COL26A1: variants seen among roughly 807,000 people sequenced by gnomAD.
COL26A1 encodes collagen type XXVI alpha 1 chain, also known as collagen alpha-1(XXVI) chain.
COL26A1 carries 41 observed loss-of-function variants against 59.3 expected under a neutral mutation model. The ratio of observed to expected loss-of-function variants is 0.69; its 90% confidence interval spans 0.54 to 0.90. The LOEUF (loss-of-function observed/expected upper bound fraction) is 0.90, where lower values mean the gene tolerates loss of function less well. COL26A1 is among the 40% of genes least tolerant of loss of function. The probability of loss-of-function intolerance (pLI) is 0.00; values close to 1 mark genes in which losing one functional copy is unlikely to be tolerated. For synonymous variants in COL26A1, 266 were observed against 256.0 expected, an observed-to-expected ratio of 1.04 and a Z score of -0.37; for missense variants, 612 against 602.3, an observed-to-expected ratio of 1.02 and a Z score of -0.17.
rs553338772 is a variant in COL26A1 at position 101,529,837 on chromosome 7, T to C, written c.386-3245T>C. 4.6e-5 allele frequency among the ~76,000 whole-genome samples: 7 copies of C among 152,272 alleles called. 1 individual carries two copies. The South Asian group carries it at 1.5e-3, about 32-fold the overall frequency. On this transcript the variant is annotated intron_variant, in intron 3 of 12. Transcript: ENST00000313669. Reference sequence around the variant, plus strand: ...TATCCAATCCACCATTGGTGGACGCTTAGGTTCCATCTTGCTTTTTCCAAG... The same window carrying C: ...TATCCAATCCACCATTGGTGGACGCCTAGGTTCCATCTTGCTTTTTCCAAG...
chr7:101,549,358 A>G (rs1013212827), intron 9 of COL26A1, 135 bp downstream of exon 9: 5 of 553,330 alleles, frequency 9.0e-6, no homozygotes, highest in African/African-American at 4.0e-5. Context: ...GGCCGGTGAG[A>G]TTTTATTTTA....
At chr7:101,456,197 A>G (rs1346076411) in intron 3 of COL26A1, among the ~76,000 whole-genome samples, 1 of 150,242 alleles carries the variant, frequency 6.7e-6, no homozygotes, top group East Asian at 1.9e-4. Flanking sequence ...TAAAATTTAC[A>G]CATACTTAAA....
At chr7:101,408,334 G>T (rs963438314) in intron 1 of COL26A1, among the ~76,000 whole-genome samples, 21 of 152,214 alleles carry the variant, frequency 1.4e-4, no homozygotes, top group African/African-American at 4.8e-4. Context: ...TGCTCTTTCA[G>T]CGTTGTCCCC....
intron 1 of COL26A1, among the ~76,000 whole-genome samples, chr7:101,383,286 TTTTAA>T (rs1791489934): frequency 7.4e-6 from 1 of 134,782 alleles, no homozygotes; most frequent in African/African-American, 3.4e-5. Flanking sequence ...CAAAAAATTA[TTTTAA>T]TTTTTTTTTA....
intron 2 of COL26A1, among the ~76,000 whole-genome samples, chr7:101,438,865 G>A (rs1216630953): frequency 6.2e-5 from 9 of 144,270 alleles, no homozygotes; most frequent in Non-Finnish European, 1.4e-4. Flanking sequence ...GAGATTTTTA[G>A]TAGAGATGGG....
intron 1 of COL26A1, among the ~76,000 whole-genome samples, chr7:101,410,791 A>G (rs757648865): frequency 5.3e-5 from 8 of 151,992 alleles, no homozygotes; most frequent in Non-Finnish European, 1.0e-4. Flanking sequence ...TCTGCCTCCT[A>G]GGTTCAAGTG....
At chr7:101,407,213 G>A (rs1197454009) in intron 1 of COL26A1, among the ~76,000 whole-genome samples, 1 of 152,158 alleles carries the variant, frequency 6.6e-6, no homozygotes, top group Non-Finnish European at 1.5e-5. Flanking sequence ...TTAATGCTCT[G>A]ACCTGACTCC....
At chr7:101,447,174 T>C (rs1226039625) in intron 2 of COL26A1, among the ~76,000 whole-genome samples, 1 of 152,122 alleles carries the variant, frequency 6.6e-6, no homozygotes, top group Non-Finnish European at 1.5e-5. Flanking sequence ...CAAGCACTGA[T>C]CTTAGGTTTT....
At chr7:101,547,336 G>T in intron 8 of COL26A1, 97 bp downstream of exon 8, 1 of 760,806 alleles carries the variant, frequency 1.3e-6, no homozygotes, top group Non-Finnish European at 2.1e-6. Flanking sequence ...TCGGCTGGCG[G>T]TCCATGGCTT....
intron 3 of COL26A1, among the ~76,000 whole-genome samples, chr7:101,521,396 G>T (rs1195038233): frequency 6.6e-6 from 1 of 152,180 alleles, no homozygotes; most frequent in Non-Finnish European, 1.5e-5. Context: ...CCCATCCAGG[G>T]TGCTAAATTC....
At chr7:101,399,517 T>G (rs889636311) in intron 1 of COL26A1, among the ~76,000 whole-genome samples, 2 of 152,122 alleles carry the variant, frequency 1.3e-5, no homozygotes, top group Non-Finnish European at 2.9e-5. Flanking sequence ...AGATATGGGA[T>G]TTCACCATTT....
intron 2 of COL26A1, 132 bp from the exon 3 acceptor site, chr7:101,447,552 C>G (rs537299818): frequency 1.6e-6 from 1 of 626,298 alleles, no homozygotes; most frequent in South Asian, 1.9e-5. Context: ...CGGACCCCGG[C>G]AGTGGTTTCC....
At chr7:101,423,457 C>T (rs570058767) in intron 2 of COL26A1, among the ~76,000 whole-genome samples, 39 of 151,678 alleles carry the variant, frequency 2.6e-4, no homozygotes, top group African/African-American at 7.5e-4. Context: ...GGGTCCGGCC[C>T]GGCGTGGTGG....
At chr7:101,503,761 G>A (rs951330216) in intron 3 of COL26A1, among the ~76,000 whole-genome samples, 7 of 152,240 alleles carry the variant, frequency 4.6e-5, no homozygotes, top group Admixed American at 4.6e-4. Flanking sequence ...AAGGGAAGGT[G>A]CTGGAACTTT....
chr7:101,423,021 T>C (rs1435655672), intron 2 of COL26A1, among the ~76,000 whole-genome samples: 1 of 152,118 alleles, frequency 6.6e-6, no homozygotes, highest in African/African-American at 2.4e-5. Flanking sequence ...TTGCAGCACT[T>C]TGGGAGTCTG....
At chr7:101,405,536 G>A (rs545349260) in intron 1 of COL26A1, among the ~76,000 whole-genome samples, 1 of 151,952 alleles carries the variant, frequency 6.6e-6, no homozygotes, top group Non-Finnish European at 1.5e-5. Flanking sequence ...CTGAATGCTG[G>A]TCCTCCCTAA....
intron 3 of COL26A1, among the ~76,000 whole-genome samples, chr7:101,476,550 CT>C (rs557412315): frequency 0.091 from 13,128 of 143,812 alleles, 637 homozygotes; most frequent in Middle Eastern, 0.13. Context: ...TACTTGGTTA[CT>C]TTTTTTTTTT....
intron 3 of COL26A1, among the ~76,000 whole-genome samples, chr7:101,463,515 T>TC (rs1472213645): frequency 1.1e-5 from 1 of 89,838 alleles, no homozygotes; most frequent in Non-Finnish European, 2.1e-5. Context: ...TCCCTTCCCT[T>TC]CCCCCCTCTT....
At chr7:101,424,139 T>C (rs573151041) in intron 2 of COL26A1, among the ~76,000 whole-genome samples, 11 of 152,214 alleles carry the variant, frequency 7.2e-5, no homozygotes, top group Non-Finnish European at 1.0e-4. Flanking sequence ...AGTTCGAGGC[T>C]GCAGTGAGCT....
Sources: allele counts gnomAD v4.1 joint callset (sites outside exome capture counted in the v4.1 genomes callset), GRCh38; gene constraint gnomAD v4.1.1; transcripts MANE v1.5; gene names NCBI Gene and HGNC (gene_info 2026-07-23, HGNC 2026-07-21).